GPHN: variants seen among roughly 807,000 people sequenced by gnomAD.
The protein encoded by GPHN is gephyrin.
GPHN carries 17 observed loss-of-function variants against 95.5 expected under a neutral mutation model. That is an observed-to-expected ratio of 0.18 (90% CI 0.12 to 0.27). The LOEUF (loss-of-function observed/expected upper bound fraction) is 0.27. Among genes scored for constraint, GPHN ranks in the 10% least tolerant of loss-of-function variants. GPHN has a pLI of 1.00. For missense variants in GPHN, 660 were observed against 978.1 expected, an observed-to-expected ratio of 0.67 and a Z score of 4.34; for synonymous variants, 320 against 322.5, an observed-to-expected ratio of 0.99 and a Z score of 0.08.
At position 67,165,172 on chromosome 14, in the gene GPHN, A is replaced by G; in HGVS notation, c.1921A>G (p.Thr641Ala). ...RVFMKPGLPT[T>A]FATLDIDGVR... ...CTTTTTTTCTTCTAGCTTGCCAACA[A>G]CATTTGCAACTTTGGATATTGATGG... Residue 641 changes from threonine (T) to alanine (A), a missense_variant, in exon 20 of 23, where the codon ACA becomes GCA. Thr to Ala is a moderately conservative substitution (Grantham distance 58). Coordinates refer to ENST00000478722, the MANE Select transcript of GPHN (RefSeq NM_020806.5). The G allele has an allele frequency of 6.2e-7, 1 of 1,609,138 alleles. No homozygotes were observed. Among genetic ancestry groups the G allele is most frequent in the Non-Finnish European group, 8.5e-7 (1 of 1,175,512 alleles).
chr14:67,302,553 T>A, the GPHN span: 1 of 1,531,280 alleles, frequency 6.5e-7, no homozygotes, highest in Non-Finnish European at 8.8e-7. Flanking sequence ...AAGATGTCAA[T>A]GAGGTTTTTG....
At chr14:67,386,336 TAAAG>T in the GPHN span, 3 of 146,290 alleles carry the variant, frequency 2.1e-5, no homozygotes, top group Non-Finnish European at 2.9e-5. Context: ...TTCAAACTAT[TAAAG>T]AGAACAAATT....
downstream of GPHN, among the ~76,000 whole-genome samples, chr14:67,183,553 A>ATTATTT (rs898174988): frequency 5.3e-5 from 8 of 152,042 alleles, no homozygotes; most frequent in African/African-American, 1.4e-4. Flanking sequence ...ATATTCTTTT[A>ATTATTT]TTATTTTTAT....
At chr14:67,242,916 T>C in the GPHN span, among the ~76,000 whole-genome samples, 1,341 of 152,296 alleles carry the variant, frequency 8.8e-3, 23 homozygotes, top group African/African-American at 0.031. Flanking sequence ...TAAGTTCTAC[T>C]TGAGGGTGAC....
At position 67,006,921 on chromosome 14, in the gene GPHN, A is replaced by C. The variant is rs2072650202; in HGVS notation, c.964-16712A>C. On this transcript the variant is annotated intron_variant, in intron 9 of 22. Transcript: ENST00000478722. ...AATTAGGACTGATTTTAATTGTCTT[A>C]TTATACAATTTCACAGCCTCATCAT... 9.2e-5 allele frequency among the ~76,000 whole-genome samples: 14 copies of C among 152,342 alleles called. No individual in the cohort carries two copies. In the South Asian group the frequency reaches 2.9e-3, roughly 32 times the overall value.
At chr14:66,925,388 G>C (rs1274535125) in intron 8 of GPHN, among the ~76,000 whole-genome samples, 1 of 151,704 alleles carries the variant, frequency 6.6e-6, no homozygotes, top group Admixed American at 6.6e-5. Flanking sequence ...ACTATATTTT[G>C]GGGTACCCAT....
chr14:66,564,986 G>A (rs964105222), intron 1 of GPHN, among the ~76,000 whole-genome samples: 1 of 152,112 alleles, frequency 6.6e-6, no homozygotes, highest in Admixed American at 6.5e-5. Context: ...CCCAAGAAGT[G>A]GAGTTACCTC....
intron 5 of GPHN, among the ~76,000 whole-genome samples, chr14:66,891,860 G>A (rs969031448): frequency 6.6e-6 from 1 of 151,958 alleles, no homozygotes; most frequent in African/African-American, 2.4e-5. Flanking sequence ...ACAAATGACT[G>A]ATAACATGAA....
chr14:66,754,765 T>C (rs2058498119), intron 2 of GPHN, among the ~76,000 whole-genome samples: 1 of 152,022 alleles, frequency 6.6e-6, no homozygotes, highest in Non-Finnish European at 1.5e-5. Flanking sequence ...TTTTGACTTT[T>C]ATAGACTTCA....
chr14:67,158,463 T>G (rs2081756490), intron 18 of GPHN, among the ~76,000 whole-genome samples: 1 of 152,160 alleles, frequency 6.6e-6, no homozygotes, highest in African/African-American at 2.4e-5. Context: ...GGAGACCTAT[T>G]TCAGCAATCC....
the GPHN span, among the ~76,000 whole-genome samples, chr14:67,707,281 G>A: frequency 6.6e-6 from 1 of 152,104 alleles, no homozygotes; most frequent in Non-Finnish European, 1.5e-5. Context: ...AAAACATTAG[G>A]CAAGACTAAA....
chr14:67,555,520 A>C, the GPHN span, among the ~76,000 whole-genome samples: 1 of 152,330 alleles, frequency 6.6e-6, no homozygotes, highest in Admixed American at 6.5e-5. Context: ...TGGGATGCTC[A>C]GGAAGAATGA....
chr14:66,594,295 C>A lies in GPHN; in HGVS notation c.64+85704C>A, dbSNP rs530171328. Among the ~76,000 whole-genome samples the A allele has an allele frequency of 4.0e-4, 55 of 136,598 alleles. No homozygotes were observed. In the Middle Eastern group the frequency reaches 0.021, roughly 52 times the overall value. The allele number at this position is 136,598 out of a possible 152,430, so 89.6% of individuals were successfully genotyped here. A position where few individuals can be genotyped will look rare whatever the true frequency, so the allele number is the denominator to read the frequency against. On this transcript the variant is annotated intron_variant, in intron 1 of 22. Transcript: ENST00000478722. ...CGTCAAAAACTCCAATGACATATTCCCCAGAAATAGAAAAAAAAAATCCTA... is the reference window on the plus strand; with the variant it reads ...CGTCAAAAACTCCAATGACATATTCACCAGAAATAGAAAAAAAAAATCCTA...
chr14:67,553,231 G>T, the GPHN span, among the ~76,000 whole-genome samples: 2 of 152,224 alleles, frequency 1.3e-5, no homozygotes, highest in Non-Finnish European at 2.9e-5. Flanking sequence ...CTACAGAGCA[G>T]ATTAGTTAGG....
rs181370178 is a variant in GPHN, at chr14:67,109,656, T to A, written c.1294-484T>A. ...ATTTTCAAAGGCAATAATTAAAATA[T>A]TTCTGGCTTGCCTTTATTTAACCAA... On this transcript the variant is annotated intron_variant, in intron 13 of 22. Transcript: ENST00000478722. 3.0e-3 allele frequency among the ~76,000 whole-genome samples: 455 copies of A among 152,340 alleles called. 3 individuals are homozygous for A. The highest frequency in any genetic ancestry group is 0.011 in the African/African-American group (437 of 41,580).
intron 3 of GPHN, among the ~76,000 whole-genome samples, chr14:66,819,124 G>A (rs1272823835): frequency 6.6e-6 from 1 of 152,080 alleles, no homozygotes; most frequent in Admixed American, 6.6e-5. Context: ...TGCTTTTGTT[G>A]CAATTGCTTT....
At chr14:67,352,876 C>A in the GPHN span, 2 of 1,337,034 alleles carry the variant, frequency 1.5e-6, no homozygotes, top group African/African-American at 1.5e-5. Context: ...AAGGGCCATG[C>A]TGGATTTTTC....
At chr14:67,209,562 G>A in the GPHN span, among the ~76,000 whole-genome samples, 1 of 152,156 alleles carries the variant, frequency 6.6e-6, no homozygotes, top group Non-Finnish European at 1.5e-5. Context: ...GCTCATGCCT[G>A]TAGTCCCAGC....
chr14:67,103,313 T>C (rs1264553257), intron 13 of GPHN, among the ~76,000 whole-genome samples: 2 of 152,186 alleles, frequency 1.3e-5, no homozygotes, highest in Non-Finnish European at 2.9e-5. Context: ...AGTTTTCTTC[T>C]TTTTATTCAG....
Sources: allele counts gnomAD v4.1 joint callset (sites outside exome capture counted in the v4.1 genomes callset), GRCh38; gene constraint gnomAD v4.1.1; transcripts MANE v1.5; gene names NCBI Gene and HGNC (gene_info 2026-07-23, HGNC 2026-07-21).